LSAMP: variants seen among roughly 807,000 people sequenced by gnomAD.
LSAMP encodes limbic system associated membrane protein.
In LSAMP, 7 loss-of-function variants were observed where a neutral mutation model predicts 38.6. The ratio of observed to expected loss-of-function variants is 0.18; its 90% CI spans 0.10 to 0.34. LSAMP has a LOEUF of 0.34. LSAMP is among the 10% of genes least tolerant of loss of function. LSAMP has a pLI of 1.00. For missense variants in LSAMP, 313 were observed against 420.0 expected (o/e 0.75, Z 2.23); for synonymous variants, 154 against 166.8 (o/e 0.92, Z 0.59).
At chr3:116,307,966 T>C (rs2047505356) in intron 1 of LSAMP, among the ~76,000 whole-genome samples, 1 of 151,942 alleles carries the variant, frequency 6.6e-6, no homozygotes, top group Non-Finnish European at 1.5e-5. Flanking sequence ...ATGCACATGA[T>C]AATAATCTCT....
At chr3:116,207,715 G>T (rs1352825789) in intron 1 of LSAMP, among the ~76,000 whole-genome samples, 1 of 151,348 alleles carries the variant, frequency 6.6e-6, no homozygotes, top group African/African-American at 2.4e-5. Context: ...TTTTCTTTAA[G>T]AATGTTGAAT....
At chr3:116,007,988 A>C (rs1039866907) in intron 3 of LSAMP, among the ~76,000 whole-genome samples, 1 of 152,278 alleles carries the variant, frequency 6.6e-6, no homozygotes, top group African/African-American at 2.4e-5. Flanking sequence ...TTATACTCTA[A>C]GAACCAATGT....
At chr3:116,310,838 T>G (rs2047547996) in intron 1 of LSAMP, among the ~76,000 whole-genome samples, 1 of 151,594 alleles carries the variant, frequency 6.6e-6, no homozygotes, top group African/African-American at 2.4e-5. Context: ...AACATAAAAA[T>G]GTATCTAAAC....
intron 1 of LSAMP, among the ~76,000 whole-genome samples, chr3:116,265,099 C>T (rs1197934987): frequency 6.6e-6 from 1 of 152,066 alleles, no homozygotes; most frequent in East Asian, 1.9e-4. Context: ...AAAATACATT[C>T]CAATTACCCA....
chr3:115,961,954 C>A (rs1029591160), intron 3 of LSAMP, among the ~76,000 whole-genome samples: 1 of 152,180 alleles, frequency 6.6e-6, no homozygotes, highest in African/African-American at 2.4e-5. Context: ...AGCTGCATGG[C>A]TTTTGGGTCC....
rs1287834434 is a variant in LSAMP at position 115,997,548 on chromosome 3, A to G, written c.514+21967T>C. On this transcript the variant is annotated intron_variant, in intron 3 of 6. Coordinates refer to ENST00000490035, the MANE Select transcript of LSAMP (RefSeq NM_002338.5). ...AGAATGTGTGTGTATGTGTGTGTGT[A>G]CATATAGTGGGTTGAGGCACAGGAG... is the stretch of plus-strand genomic sequence containing the variant. 4.0e-5 allele frequency among the ~76,000 whole-genome samples: 6 copies of G among 150,868 alleles called. No individual in the cohort carries two copies. The Admixed American group carries it at 4.0e-4, about 10-fold the overall frequency.
chr3:115,911,492 C>T (rs1937134428), intron 3 of LSAMP, among the ~76,000 whole-genome samples: 1 of 152,100 alleles, frequency 6.6e-6, no homozygotes, highest in Non-Finnish European at 1.5e-5. Flanking sequence ...GCTGGGACTA[C>T]AGGTGCCTGC....
intron 2 of LSAMP, among the ~76,000 whole-genome samples, chr3:116,044,836 T>G (rs967605308): frequency 1.3e-5 from 2 of 152,134 alleles, no homozygotes; most frequent in Non-Finnish European, 2.9e-5. Context: ...TCAGGCTGCA[T>G]GGAGTGGCTT....
At chr3:116,238,475 C>T (rs952144135) in intron 1 of LSAMP, among the ~76,000 whole-genome samples, 5 of 152,150 alleles carry the variant, frequency 3.3e-5, no homozygotes, top group South Asian at 2.1e-4. Flanking sequence ...AGGAGTTACT[C>T]GCATATGGGA....
intron 3 of LSAMP, among the ~76,000 whole-genome samples, chr3:115,921,063 C>G (rs1937371574): frequency 6.6e-6 from 1 of 152,066 alleles, no homozygotes; most frequent in South Asian, 2.1e-4. Flanking sequence ...CTTTTTCCAT[C>G]CTTTCACTTT....
chr3:116,144,644 G>A lies in LSAMP; in HGVS notation c.156-58088C>T, dbSNP rs143782412. Among the ~76,000 whole-genome samples the A allele has an allele frequency of 2.2e-4, 33 of 148,754 alleles. No individual in the cohort carries two copies. In the East Asian group the frequency reaches 5.2e-3, roughly 23 times the overall value. ...TTCCACTATGTTTATATTTGTCAGT[G>A]TTTTTTTATTAACCTGGTCAAATGT... On this transcript the variant is annotated intron_variant, in intron 1 of 6. Transcript: ENST00000490035.
At chr3:116,091,935 G>C (rs961129938) in intron 1 of LSAMP, among the ~76,000 whole-genome samples, 6 of 152,070 alleles carry the variant, frequency 3.9e-5, no homozygotes, top group African/African-American at 1.4e-4. Context: ...ATCTTCTCTC[G>C]TCAGTGTAAC....
intron 3 of LSAMP, among the ~76,000 whole-genome samples, chr3:115,886,489 A>G (rs1247775239): frequency 6.6e-6 from 1 of 151,992 alleles, no homozygotes; most frequent in Non-Finnish European, 1.5e-5. Flanking sequence ...GAAAGAATCT[A>G]CATCCAAGCA....
chr3:116,335,967 T>C (rs915150300), intron 1 of LSAMP, among the ~76,000 whole-genome samples: 1 of 152,070 alleles, frequency 6.6e-6, no homozygotes, highest in Non-Finnish European at 1.5e-5. Flanking sequence ...ACAGTGTATA[T>C]GGTCAAATAA....
intron 1 of LSAMP, among the ~76,000 whole-genome samples, chr3:116,438,688 A>T (rs1559868469): frequency 6.6e-6 from 1 of 152,234 alleles, no homozygotes; most frequent in African/African-American, 2.4e-5. Flanking sequence ...TAGTGATAGC[A>T]TTAGAAGCAA....
chr3:115,906,857 A>G (rs995403982), intron 3 of LSAMP, among the ~76,000 whole-genome samples: 1 of 152,134 alleles, frequency 6.6e-6, no homozygotes, highest in Admixed American at 6.6e-5. Flanking sequence ...AGAGGCAGCT[A>G]ATTATATCTT....
chr3:116,271,459 T>C (rs1284613312), intron 1 of LSAMP, among the ~76,000 whole-genome samples: 1 of 152,102 alleles, frequency 6.6e-6, no homozygotes, highest in East Asian at 1.9e-4. Context: ...TTAAATATCT[T>C]CCTTAAGATT....
intron 2 of LSAMP, among the ~76,000 whole-genome samples, chr3:116,083,756 G>C (rs1345051691): frequency 2.0e-5 from 3 of 152,204 alleles, no homozygotes; most frequent in Non-Finnish European, 2.9e-5. Context: ...CCTAGAGTTA[G>C]TATCTTTGAT....
chr3:116,265,185 C>T (rs1024760794), intron 1 of LSAMP, among the ~76,000 whole-genome samples: 2 of 152,172 alleles, frequency 1.3e-5, no homozygotes, highest in African/African-American at 2.4e-5. Flanking sequence ...TATGTCACAA[C>T]ATGAAAAAGC....
Sources: gnomAD v4.1 joint callset for allele counts (sites outside exome capture counted in the v4.1 genomes callset) on GRCh38, gnomAD v4.1.1 for gene constraint, MANE v1.5 for transcripts, NCBI Gene and HGNC (gene_info 2026-07-23, HGNC 2026-07-21) for gene names.